The following TNIK variants were observed in gnomAD, a reference collection of about 807,000 sequenced individuals.
TNIK encodes the protein TRAF2 and NCK-interacting protein kinase.
In TNIK, 49 loss-of-function variants were observed where a neutral mutation model predicts 191.3. That is an observed-to-expected ratio of 0.26 (90% CI 0.20 to 0.32). The LOEUF (loss-of-function observed/expected upper bound fraction) is 0.32, where lower values mean the gene tolerates loss of function less well. Among genes scored for constraint, TNIK ranks in the 10% least tolerant of loss-of-function variants. The pLI is 1.00. For synonymous variants in TNIK, 594 were observed against 600.9 expected, an observed-to-expected ratio of 0.99 and a Z score of 0.17; for missense variants, 1,155 against 1,702.3, an observed-to-expected ratio of 0.68 and a Z score of 5.66.
rs1217359602 is a variant in TNIK, at chr3:171,066,746, A to G, written c.3700-11T>C. ...GATATTGCCCTGAATCTAGAAGACA[A>G]AGAAAAGCCAAGCATTATTCTTTTA... On this transcript the variant is annotated splice_polypyrimidine_tract_variant and intron_variant, in intron 30 of 32. Coordinates refer to ENST00000436636, the MANE Select transcript of TNIK (RefSeq NM_015028.4). The G allele has an allele frequency of 6.2e-7, 1 of 1,610,980 alleles. No individual in the cohort carries two copies. Among genetic ancestry groups the G allele is most frequent in the Admixed American group, 1.7e-5 (1 of 59,688 alleles).
chr3:171,149,891 C>T (rs372091301), intron 12 of TNIK, among the ~76,000 whole-genome samples: 2 of 152,328 alleles, frequency 1.3e-5, no homozygotes, highest in South Asian at 2.1e-4. Context: ...GCTCACAGGA[C>T]ACACTGGGAC....
At chr3:171,226,257 G>A (rs1577177260) in intron 3 of TNIK, among the ~76,000 whole-genome samples, 1 of 152,102 alleles carries the variant, frequency 6.6e-6, no homozygotes, top group Non-Finnish European at 1.5e-5. Flanking sequence ...TAGTAATGTT[G>A]TATGGAAGTA....
At chr3:171,235,038 CATTT>C (rs904486575) in intron 2 of TNIK, among the ~76,000 whole-genome samples, 3 of 152,008 alleles carry the variant, frequency 2.0e-5, no homozygotes, top group East Asian at 1.9e-4. Flanking sequence ...TTTATTTATT[CATTT>C]ATTTATTTAT....
intron 2 of TNIK, among the ~76,000 whole-genome samples, chr3:171,324,731 C>T (rs1178116818): frequency 6.6e-6 from 1 of 152,140 alleles, no homozygotes; most frequent in Non-Finnish European, 1.5e-5. Flanking sequence ...TTTTTACCCA[C>T]ACATATCCAA....
At chr3:171,311,745 T>C (rs1754040853) in intron 2 of TNIK, among the ~76,000 whole-genome samples, 1 of 152,188 alleles carries the variant, frequency 6.6e-6, no homozygotes, top group Admixed American at 6.5e-5. Context: ...TAACAAGTTA[T>C]GTGAGTGGAA....
chr3:171,353,821 A>C (rs1259384394), intron 2 of TNIK, among the ~76,000 whole-genome samples: 2 of 152,212 alleles, frequency 1.3e-5, no homozygotes, highest in African/African-American at 4.8e-5. Context: ...GCTGAGTTAA[A>C]AAGTTAACTT....
chr3:171,083,846 C>T (rs181324353), intron 26 of TNIK, among the ~76,000 whole-genome samples: 141 of 152,234 alleles, frequency 9.3e-4, no homozygotes, highest in African/African-American at 3.3e-3. Context: ...ACATTATAGG[C>T]TTTGCTTTGC....
intron 2 of TNIK, among the ~76,000 whole-genome samples, chr3:171,327,189 C>G (rs1755865765): frequency 6.6e-6 from 1 of 152,160 alleles, no homozygotes; most frequent in East Asian, 1.9e-4. Context: ...TCATGCTAAG[C>G]TGAACCAGGG....
intron 15 of TNIK, among the ~76,000 whole-genome samples, chr3:171,130,761 T>C (rs571986474): frequency 1.3e-5 from 2 of 152,332 alleles, no homozygotes; most frequent in South Asian, 4.1e-4. Context: ...TACATAAGCA[T>C]CCTTCAGTGT....
chr3:171,380,487 T>A (rs897435566), intron 1 of TNIK, among the ~76,000 whole-genome samples: 6 of 152,240 alleles, frequency 3.9e-5, no homozygotes, highest in African/African-American at 1.4e-4. Context: ...ATTTACCACC[T>A]GCTTACAACA....
At chr3:171,374,299 A>T (rs1454265601) in intron 1 of TNIK, among the ~76,000 whole-genome samples, 5 of 152,226 alleles carry the variant, frequency 3.3e-5, no homozygotes, top group African/African-American at 1.2e-4. Context: ...TAAAAAAATA[A>T]AATCCATAGA....
At chr3:171,137,001 C>T (rs1409415541) in intron 15 of TNIK, among the ~76,000 whole-genome samples, 1 of 150,792 alleles carries the variant, frequency 6.6e-6, no homozygotes, top group Non-Finnish European at 1.5e-5. Context: ...TTTTTCCACA[C>T]ACTTAGTTTA....
intron 2 of TNIK, among the ~76,000 whole-genome samples, chr3:171,277,431 G>A (rs956525038): frequency 6.6e-6 from 1 of 152,046 alleles, no homozygotes; most frequent in South Asian, 2.1e-4. Flanking sequence ...AGTTGCTTTT[G>A]GGGAACAGGT....
At chr3:171,405,051 G>T (rs1336947839) in intron 1 of TNIK, among the ~76,000 whole-genome samples, 1 of 152,150 alleles carries the variant, frequency 6.6e-6, no homozygotes, top group Non-Finnish European at 1.5e-5. Flanking sequence ...AGCTTGTGTG[G>T]TCTTCCCAAT....
At chr3:171,286,888 C>A (rs1751067533) in intron 2 of TNIK, among the ~76,000 whole-genome samples, 1 of 152,182 alleles carries the variant, frequency 6.6e-6, no homozygotes, top group African/African-American at 2.4e-5. Context: ...ATTGCTACAG[C>A]AATTTAAACC....
At chr3:171,282,280 A>G (rs1302876978) in intron 2 of TNIK, among the ~76,000 whole-genome samples, 3 of 150,180 alleles carry the variant, frequency 2.0e-5, no homozygotes, top group African/African-American at 7.4e-5. Context: ...CAGCCAGAAG[A>G]TTTTTTTTAA....
At chr3:171,175,474 CT>C in intron 8 of TNIK, 144 bp from the exon 9 acceptor site, 1 of 639,878 alleles carries the variant, frequency 1.6e-6, no homozygotes, top group Non-Finnish European at 2.7e-6. Flanking sequence ...TATCCAAATG[CT>C]TCTGAGCATT....
chr3:171,412,955 G>C (rs1418234829), intron 1 of TNIK, among the ~76,000 whole-genome samples: 3 of 152,166 alleles, frequency 2.0e-5, no homozygotes, highest in African/African-American at 7.2e-5. Flanking sequence ...GGAAGCATCA[G>C]GAACATGCAC....
intron 2 of TNIK, among the ~76,000 whole-genome samples, chr3:171,285,872 G>A (rs77297282): frequency 0.019 from 2,933 of 152,230 alleles, 98 homozygotes; most frequent in African/African-American, 0.068. Context: ...TGATGTAGTC[G>A]GAGAGTTGAG....
Sources: allele counts gnomAD v4.1 joint callset (sites outside exome capture counted in the v4.1 genomes callset), GRCh38; gene constraint gnomAD v4.1.1; transcripts MANE v1.5; gene names NCBI Gene and HGNC (gene_info 2026-07-23, HGNC 2026-07-21).